The following FBXO34 variants were observed in gnomAD, a reference collection of about 807,000 sequenced individuals.
FBXO34 encodes F-box only protein 34.
Under a neutral mutation model 24.5 loss-of-function variants are expected in FBXO34, and 12 were observed. That is an observed-to-expected ratio of 0.49 (90% confidence interval 0.31 to 0.79). FBXO34 has a LOEUF of 0.79. FBXO34 is among the 30% of genes least tolerant of loss of function. The pLI is 0.04. For synonymous variants in FBXO34, 320 were observed against 311.9 expected (o/e 1.03, Z -0.27); for missense variants, 823 against 857.7 (o/e 0.96, Z 0.51).
the FBXO34 span, among the ~76,000 whole-genome samples, chr14:55,424,592 C>CAT: frequency 1.3e-5 from 2 of 152,168 alleles, no homozygotes; most frequent in Admixed American, 6.6e-5. Context: ...AATAAGAATA[C>CAT]ATAATCATGT....
At chr14:55,427,138 A>G in the FBXO34 span, among the ~76,000 whole-genome samples, 1 of 152,206 alleles carries the variant, frequency 6.6e-6, no homozygotes, top group Non-Finnish European at 1.5e-5. Flanking sequence ...AACAGGCTTT[A>G]TTAGGAAATC....
the FBXO34 span, among the ~76,000 whole-genome samples, chr14:55,392,425 A>T: frequency 6.6e-6 from 1 of 152,172 alleles, no homozygotes; most frequent in African/African-American, 2.4e-5. Flanking sequence ...AGGCAGGCAC[A>T]TCACTTGAGC....
chr14:55,411,897 C>T, the FBXO34 span: 1 of 1,357,732 alleles, frequency 7.4e-7, no homozygotes, highest in Non-Finnish European at 1.0e-6. Flanking sequence ...GAGGAGGGGC[C>T]TGGGGAAGGG....
At chr14:55,409,839 A>G in the FBXO34 span, among the ~76,000 whole-genome samples, 3 of 152,252 alleles carry the variant, frequency 2.0e-5, no homozygotes, top group South Asian at 2.1e-4. Flanking sequence ...GAGGAGTAGC[A>G]TAACTGTGGC....
intron 1 of FBXO34, among the ~76,000 whole-genome samples, chr14:55,319,408 A>G (rs2140018793): frequency 6.6e-6 from 1 of 152,362 alleles, no homozygotes; most frequent in East Asian, 1.9e-4. Context: ...GCATTTATAT[A>G]GAAAGGACTT....
the FBXO34 span, among the ~76,000 whole-genome samples, chr14:55,421,211 C>CTTA: frequency 2.6e-5 from 4 of 152,140 alleles, no homozygotes; most frequent in Non-Finnish European, 5.9e-5. Context: ...ATACATGGCA[C>CTTA]TTATGAAAGT....
intron 1 of FBXO34, chr14:55,299,136 G>C (rs1882251245): frequency 8.0e-7 from 1 of 1,242,776 alleles, no homozygotes; most frequent in Non-Finnish European, 1.2e-6. Flanking sequence ...GGAGGAACCA[G>C]ACAAGAATTT....
At chr14:55,424,074 G>T in the FBXO34 span, 1 of 903,538 alleles carries the variant, frequency 1.1e-6, no homozygotes, top group Non-Finnish European at 1.7e-6. Flanking sequence ...ACTTTACCAT[G>T]GTGAACAAAG....
chr14:55,295,792 A>T (rs544200179), intron 1 of FBXO34, among the ~76,000 whole-genome samples: 1 of 152,366 alleles, frequency 6.6e-6, no homozygotes, highest in East Asian at 1.9e-4. Context: ...ATTCAAATCC[A>T]GCCAGTCTTA....
At chr14:55,429,590 G>A in the FBXO34 span, among the ~76,000 whole-genome samples, 2 of 151,840 alleles carry the variant, frequency 1.3e-5, no homozygotes, top group Non-Finnish European at 2.9e-5. Flanking sequence ...ATGATGAAAC[G>A]CTGTCTCTAC....
the FBXO34 span, among the ~76,000 whole-genome samples, chr14:55,385,090 GC>G: frequency 2.0e-5 from 3 of 152,298 alleles, no homozygotes; most frequent in African/African-American, 7.2e-5. Context: ...AAAAGGCTAA[GC>G]CAACATGTAG....
downstream of FBXO34, among the ~76,000 whole-genome samples, chr14:55,362,836 T>A: frequency 6.7e-6 from 1 of 148,482 alleles, no homozygotes; most frequent in East Asian, 2.0e-4. Context: ...GTCTTGACAA[T>A]TTTTTTTTTT....
At chr14:55,319,745 G>A (rs1484296597) in intron 1 of FBXO34, among the ~76,000 whole-genome samples, 5 of 152,058 alleles carry the variant, frequency 3.3e-5, no homozygotes, top group Admixed American at 6.6e-5. Flanking sequence ...GCGCAATCTC[G>A]GCTCACTGCA....
chr14:55,396,791 T>A, the FBXO34 span, among the ~76,000 whole-genome samples: 2 of 152,082 alleles, frequency 1.3e-5, no homozygotes, highest in African/African-American at 4.8e-5. Flanking sequence ...TTCTCAATCC[T>A]AGGGGGTCAG....
intron 1 of FBXO34, among the ~76,000 whole-genome samples, chr14:55,297,272 A>G (rs903382064): frequency 6.6e-6 from 1 of 152,174 alleles, no homozygotes; most frequent in African/African-American, 2.4e-5. Context: ...TATCTACCCA[A>G]GTAATTTCTT....
At chr14:55,415,725 G>A in the FBXO34 span, among the ~76,000 whole-genome samples, 2 of 152,060 alleles carry the variant, frequency 1.3e-5, no homozygotes, top group Non-Finnish European at 2.9e-5. Flanking sequence ...AGAAAATTAG[G>A]CGTGGCGGTG....
intron 1 of FBXO34, among the ~76,000 whole-genome samples, chr14:55,294,692 C>A (rs761143914): frequency 8.5e-5 from 13 of 152,150 alleles, no homozygotes; most frequent in African/African-American, 1.2e-4. Context: ...CTTTTGGAGA[C>A]TACTGTGTTC....
At chr14:55,413,888 G>A in the FBXO34 span, 2 of 448,326 alleles carry the variant, frequency 4.5e-6, no homozygotes, top group African/African-American at 2.0e-5. Context: ...GCTTTGCTGT[G>A]GTAACATTTG....
At chr14:55,312,444 C>T (rs1387268430) in intron 1 of FBXO34, among the ~76,000 whole-genome samples, 1 of 152,138 alleles carries the variant, frequency 6.6e-6, no homozygotes, top group East Asian at 1.9e-4. Flanking sequence ...GATGGTGGCC[C>T]TCTTCTCACA....
Sources: gnomAD v4.1 joint callset for allele counts (sites outside exome capture counted in the v4.1 genomes callset) on GRCh38, gnomAD v4.1.1 for gene constraint, MANE v1.5 for transcripts, NCBI Gene and HGNC (gene_info 2026-07-23, HGNC 2026-07-21) for gene names.